Variants in ELP4 observed in about 807,000 individuals in gnomAD.
ELP4 encodes the protein elongator complex protein 4.
In ELP4, 51 loss-of-function variants were observed where a neutral mutation model predicts 48.9. The ratio of observed to expected loss-of-function variants is 1.04; its 90% CI spans 0.83 to 1.32. ELP4 has a LOEUF of 1.32. ELP4 is among the 40% of genes most tolerant of loss of function. ELP4 has a pLI of 0.00. For missense variants in ELP4, 519 were observed against 514.6 expected, an observed-to-expected ratio of 1.01 and a Z score of -0.08; for synonymous variants, 210 against 189.2, an observed-to-expected ratio of 1.11 and a Z score of -0.90.
chr11:31,687,141 G>A (rs568733773), intron 9 of ELP4, among the ~76,000 whole-genome samples: 1 of 152,208 alleles, frequency 6.6e-6, no homozygotes, highest in African/African-American at 2.4e-5. Flanking sequence ...ATTAAAATAG[G>A]GACCATAGGA....
At chr11:31,625,857 T>C (rs1944732310) in intron 5 of ELP4, among the ~76,000 whole-genome samples, 1 of 151,800 alleles carries the variant, frequency 6.6e-6, no homozygotes, top group Non-Finnish European at 1.5e-5. Flanking sequence ...AAAATTGCCC[T>C]TACAGAATAT....
Position 31,632,348 on chromosome 11 carries a change from T to C in ELP4, c.870T>C (p.Gly290=). ...CCAAGTTCCTCTATGTTCTCCGTGG[T>C]CTTCTGAGAACCTCTCTTTCAGCCT... ...SLTKFLYVLR[G]LLRTSLSACI... Residue 290 remains glycine (G), a synonymous_variant, in exon 7 of 10, where the codon GGT becomes GGC. Transcript: ENST00000640961. 6.2e-7 allele frequency: 1 copy of C among 1,613,422 alleles called. No individual in the cohort carries two copies.
chr11:31,745,283 A>G (rs554544730), intron 9 of ELP4, among the ~76,000 whole-genome samples: 2 of 152,320 alleles, frequency 1.3e-5, no homozygotes, highest in Admixed American at 1.3e-4. Flanking sequence ...CATGGGTAGG[A>G]AGAATCAATA....
intron 9 of ELP4, among the ~76,000 whole-genome samples, chr11:31,691,236 A>T (rs538226987): frequency 2.8e-4 from 43 of 152,216 alleles, no homozygotes; most frequent in Non-Finnish European, 5.1e-4. Context: ...TAAATCTCGG[A>T]TAGTACTATG....
At chr11:31,608,690 T>C (rs769592779) in intron 5 of ELP4, among the ~76,000 whole-genome samples, 3 of 151,834 alleles carry the variant, frequency 2.0e-5, no homozygotes, top group Non-Finnish European at 4.4e-5. Flanking sequence ...TTGGCTAAAA[T>C]GTTTCGGCCT....
chr11:31,716,155 C>T (rs377572111), intron 9 of ELP4, among the ~76,000 whole-genome samples: 32 of 152,094 alleles, frequency 2.1e-4, no homozygotes, highest in East Asian at 1.2e-3. Context: ...GCTAGGACTA[C>T]GGGCACACAC....
At chr11:31,691,183 G>A (rs7950906) in intron 9 of ELP4, among the ~76,000 whole-genome samples, 4,317 of 152,010 alleles carry the variant, frequency 0.028, 207 homozygotes, top group African/African-American at 0.099. Context: ...AAATTAAGGG[G>A]AAAAATGATG....
rs545711448 is a variant in ELP4 at position 31,745,262 on chromosome 11, C to T, written c.1144-38131C>T. ...AAGAGGATACAAACAAATGGAAGAACATTCCATGCTCATGGGTAGGAAGAA... is the reference window on the plus strand; with the variant it reads ...AAGAGGATACAAACAAATGGAAGAATATTCCATGCTCATGGGTAGGAAGAA... On this transcript the variant is annotated intron_variant, in intron 9 of 9. Coordinates refer to ENST00000640961, the MANE Select transcript of ELP4 (RefSeq NM_019040.5). 3.7e-4 allele frequency among the ~76,000 whole-genome samples: 57 copies of T among 152,254 alleles called. No individual in the cohort carries two copies. The South Asian group carries it at 0.012, about 31-fold the overall frequency.
intron 7 of ELP4, among the ~76,000 whole-genome samples, chr11:31,642,001 T>A (rs1945109380): frequency 6.6e-6 from 1 of 151,946 alleles, no homozygotes; most frequent in Non-Finnish European, 1.5e-5. Flanking sequence ...ATTTAGGAAG[T>A]TTCCCATAAA....
intron 4 of ELP4, among the ~76,000 whole-genome samples, chr11:31,597,952 C>CTT (rs58093641): frequency 0.31 from 30,314 of 96,268 alleles, 6,649 homozygotes; most frequent in East Asian, 0.55. Context: ...AGCCTTTTCT[C>CTT]TTTTTTTTTT....
At chr11:31,525,278 G>T (rs1956279449) in intron 2 of ELP4, among the ~76,000 whole-genome samples, 1 of 152,128 alleles carries the variant, frequency 6.6e-6, no homozygotes. Flanking sequence ...CTTTGTTAAA[G>T]GACTGAAATA....
At chr11:31,744,107 T>C (rs1947522378) in intron 9 of ELP4, among the ~76,000 whole-genome samples, 1 of 152,116 alleles carries the variant, frequency 6.6e-6, no homozygotes, top group Admixed American at 6.5e-5. Context: ...GAGAATACTA[T>C]AAACACCTCT....
intron 9 of ELP4, among the ~76,000 whole-genome samples, chr11:31,761,696 AT>A (rs1947949723): frequency 6.6e-6 from 1 of 152,234 alleles, no homozygotes; most frequent in Non-Finnish European, 1.5e-5. Flanking sequence ...AGGGCAAATG[AT>A]TTATTAAGCT....
chr11:31,616,671 A>G (rs560894550), intron 5 of ELP4, among the ~76,000 whole-genome samples: 1 of 152,218 alleles, frequency 6.6e-6, no homozygotes, highest in East Asian at 1.9e-4. Flanking sequence ...CAAATTATAT[A>G]TCTCATAAGA....
rs151202584 is a variant in ELP4 at position 31,631,545 on chromosome 11, T to C, written c.739-672T>C. Among the ~76,000 whole-genome samples, 571 of 152,274 alleles carry C rather than the reference T, an allele frequency of 3.7e-3. 5 individuals carry two copies. The highest frequency in any genetic ancestry group is 0.012 in the African/African-American group (514 of 41,582). ...TCTGTTGTTAAATGTTTATTCACAG[T>C]GATGTATTCACAGTTTAATTAATAG... On this transcript the variant is annotated intron_variant, in intron 6 of 9. Transcript: ENST00000640961.
intron 9 of ELP4, among the ~76,000 whole-genome samples, chr11:31,709,623 G>A (rs138258741): frequency 6.6e-6 from 1 of 152,052 alleles, no homozygotes; most frequent in Non-Finnish European, 1.5e-5. Context: ...CTTAAAGAAA[G>A]TATCTTAGTT....
intron 9 of ELP4, among the ~76,000 whole-genome samples, chr11:31,741,031 A>T (rs1315356715): frequency 6.6e-6 from 1 of 151,728 alleles, no homozygotes; most frequent in South Asian, 2.1e-4. Context: ...AAATCGGGTC[A>T]CTCCCACCCT....
intron 3 of ELP4, among the ~76,000 whole-genome samples, chr11:31,559,533 T>C (rs1439417842): frequency 6.6e-6 from 1 of 152,210 alleles, no homozygotes; most frequent in African/African-American, 2.4e-5. Flanking sequence ...ACATATAGGC[T>C]GCTGTAGAAT....
intron 9 of ELP4, chr11:31,681,903 G>C (rs1215413809): frequency 3.2e-6 from 1 of 317,416 alleles, no homozygotes; most frequent in African/African-American, 2.3e-5. Flanking sequence ...ACCACACCCA[G>C]CTAATTTTTG....
Sources: gnomAD v4.1 joint callset for allele counts (sites outside exome capture counted in the v4.1 genomes callset) on GRCh38, gnomAD v4.1.1 for gene constraint, MANE v1.5 for transcripts, NCBI Gene and HGNC (gene_info 2026-07-23, HGNC 2026-07-21) for gene names.